Variants in NLGN4X observed in about 807,000 individuals in gnomAD.
The protein encoded by NLGN4X is neuroligin 4 X-linked.
A neutral mutation model predicts 40.3 loss-of-function variants in NLGN4X; 3 were observed. The observed-to-expected ratio is 0.07, with a 90% CI of 0.03 to 0.19. The LOEUF is 0.19. Among genes scored for constraint, NLGN4X ranks in the 10% least tolerant of loss-of-function variants. The pLI is 1.00. For synonymous variants in NLGN4X, 270 were observed against 306.8 expected (o/e 0.88, Z 1.25); for missense variants, 382 against 708.3 (o/e 0.54, Z 5.23).
chrX:6,178,693 G>T (rs1052111350), intron 1 of NLGN4X, among the ~76,000 whole-genome samples: 2 of 112,500 alleles, frequency 1.8e-5, no homozygotes, highest in African/African-American at 6.5e-5. Flanking sequence ...GTATTGTAGT[G>T]CAGTGACAGC....
intron 3 of NLGN4X, among the ~76,000 whole-genome samples, chrX:5,956,983 G>A (rs1043616203): frequency 1.8e-5 from 2 of 110,990 alleles, no homozygotes; most frequent in African/African-American, 6.6e-5. Context: ...GTGTGTGTGT[G>A]TGTTTGTGTG....
At chrX:5,937,524 A>T (rs1040604508) in intron 3 of NLGN4X, among the ~76,000 whole-genome samples, 1 of 111,756 alleles carries the variant, frequency 8.9e-6, no homozygotes, top group Admixed American at 9.5e-5. Context: ...CAGGGTTTGG[A>T]CTTCCAGAGC....
chrX:6,090,673 A>G (rs938400514), intron 2 of NLGN4X, among the ~76,000 whole-genome samples: 1 of 112,261 alleles, frequency 8.9e-6, no homozygotes, highest in Non-Finnish European at 1.9e-5. Flanking sequence ...CAAAAAACAT[A>G]TATATATAAA....
intron 3 of NLGN4X, among the ~76,000 whole-genome samples, chrX:6,003,523 C>T (rs187212614): frequency 0.054 from 5,891 of 109,890 alleles, 327 homozygotes; most frequent in African/African-American, 0.17. Flanking sequence ...ATAAAACAAA[C>T]GAAAATTTGT....
intron 2 of NLGN4X, among the ~76,000 whole-genome samples, chrX:6,102,369 T>C (rs1373889855): frequency 9.0e-6 from 1 of 110,997 alleles, no homozygotes; most frequent in African/African-American, 3.3e-5. Flanking sequence ...TTGGAGGTAA[T>C]GAGGTCATGA....
At chrX:5,911,012 G>C (rs898061132) in intron 3 of NLGN4X, among the ~76,000 whole-genome samples, 1 of 111,402 alleles carries the variant, frequency 9.0e-6, no homozygotes, top group Admixed American at 9.6e-5. Flanking sequence ...TGCAACACCT[G>C]TCTCCATCAC....
chrX:6,016,766 A>G (rs1264260046), intron 3 of NLGN4X, among the ~76,000 whole-genome samples: 1 of 111,959 alleles, frequency 8.9e-6, no homozygotes, highest in Non-Finnish European at 1.9e-5. Flanking sequence ...GTATATCCAT[A>G]AAATGAAATA....
chrX:5,984,401 A>T (rs751852606), intron 3 of NLGN4X, among the ~76,000 whole-genome samples: 1 of 110,815 alleles, frequency 9.0e-6, no homozygotes, highest in African/African-American at 3.3e-5. Flanking sequence ...AGACTAAAAA[A>T]GGAGCCAGAG....
chrX:6,113,802 G>GT (rs1486187811), intron 2 of NLGN4X, among the ~76,000 whole-genome samples: 58 of 111,117 alleles, frequency 5.2e-4, no homozygotes, highest in African/African-American at 1.7e-3. Flanking sequence ...CTACCTCTGG[G>GT]TTTTTTGTTT....
At chrX:6,165,596 C>T (rs1024431148) in intron 1 of NLGN4X, among the ~76,000 whole-genome samples, 1 of 111,887 alleles carries the variant, frequency 8.9e-6, no homozygotes, top group African/African-American at 3.2e-5. Flanking sequence ...AGATTCTTCA[C>T]TTTCTTTTTG....
At chrX:5,906,613 C>T (rs758053929) in intron 4 of NLGN4X, among the ~76,000 whole-genome samples, 12 of 111,473 alleles carry the variant, frequency 1.1e-4, no homozygotes, top group Non-Finnish European at 1.9e-4. Context: ...CTGGCTCAAG[C>T]GATCCTCCCA....
At chrX:6,089,518 T>A (rs1251881189) in intron 2 of NLGN4X, among the ~76,000 whole-genome samples, 2 of 112,548 alleles carry the variant, frequency 1.8e-5, no homozygotes, top group Non-Finnish European at 3.8e-5. Context: ...ATATTCCTAC[T>A]GAAACTTGAG....
chrX:6,052,278 G>A (rs1271713458), intron 2 of NLGN4X, among the ~76,000 whole-genome samples: 1 of 111,918 alleles, frequency 8.9e-6, no homozygotes, highest in African/African-American at 3.2e-5. Flanking sequence ...CACAGAAATT[G>A]TGACATAATA....
chrX:5,987,360 C>A (rs758938658), intron 3 of NLGN4X, among the ~76,000 whole-genome samples: 1 of 112,265 alleles, frequency 8.9e-6, no homozygotes, highest in South Asian at 3.7e-4. Flanking sequence ...ATGGTTATCA[C>A]GGAGGAGGAT....
At position 6,047,713 on chromosome X, in the gene NLGN4X, CA is replaced by C. The variant is rs2037362516; in HGVS notation, c.473-18282del. ...AATGTCCAGGATTGAGGGAGAAAAA[CA>C]AAAGGTGTCTCTACAATAGAGGACA... On this transcript the variant is annotated intron_variant, in intron 2 of 5. Transcript: ENST00000381095. Among the ~76,000 whole-genome samples the C allele has an allele frequency of 2.7e-5, 3 of 111,596 alleles. No homozygotes were observed. In the Admixed American group the frequency reaches 2.9e-4, roughly 11 times the overall value.
chrX:6,071,080 G>A (rs370847264), intron 2 of NLGN4X, among the ~76,000 whole-genome samples: 2 of 111,533 alleles, frequency 1.8e-5, no homozygotes, highest in Non-Finnish European at 3.8e-5. Flanking sequence ...AGTGAGCTAT[G>A]ATGGTACCAC....
intron 2 of NLGN4X, among the ~76,000 whole-genome samples, chrX:6,042,724 T>TACAC (rs1363589693): frequency 2.2e-5 from 1 of 45,033 alleles, no homozygotes; most frequent in Non-Finnish European, 3.7e-5. Flanking sequence ...TATATATATA[T>TACAC]ATATATACAC....
At chrX:5,897,266 C>A (rs1312544702) in intron 5 of NLGN4X, among the ~76,000 whole-genome samples, 1 of 111,743 alleles carries the variant, frequency 8.9e-6, no homozygotes, top group Non-Finnish European at 1.9e-5. Flanking sequence ...ATTCCCCACT[C>A]CTTTTTGTCC....
intron 1 of NLGN4X, among the ~76,000 whole-genome samples, chrX:6,172,665 T>C (rs1462626648): frequency 8.9e-6 from 1 of 112,103 alleles, no homozygotes; most frequent in Non-Finnish European, 1.9e-5. Context: ...TTTTTCAATT[T>C]TTAAAAAGAA....
Sources: allele counts gnomAD v4.1 joint callset (sites outside exome capture counted in the v4.1 genomes callset), GRCh38; gene constraint gnomAD v4.1.1; transcripts MANE v1.5; gene names NCBI Gene and HGNC (gene_info 2026-07-23, HGNC 2026-07-21).